The following GABRA2 variants were observed in gnomAD, a reference collection of about 807,000 sequenced individuals.
GABRA2 encodes the protein gamma-aminobutyric acid type A receptor subunit alpha2, also known as gamma-aminobutyric acid receptor subunit alpha-2.
In GABRA2, 16 loss-of-function variants were observed where a neutral mutation model predicts 48.7. That is an observed-to-expected ratio of 0.33 (90% CI 0.22 to 0.50). GABRA2 has a LOEUF of 0.50. Ranked by LOEUF, GABRA2 falls within the 20% of genes least tolerant of loss-of-function variation. GABRA2 has a pLI of 0.98. For missense variants in GABRA2, 275 were observed against 535.6 expected (o/e 0.51, Z 4.80); for synonymous variants, 185 against 184.5 (o/e 1.00, Z -0.02).
chr4:46,337,878 T>C (rs999433583), intron 3 of GABRA2, among the ~76,000 whole-genome samples: 4 of 151,908 alleles, frequency 2.6e-5, no homozygotes, highest in African/African-American at 4.8e-5. Context: ...GTGGAAAATA[T>C]TCTTTTTAAA....
intron 5 of GABRA2, 109 bp downstream of exon 5, chr4:46,312,387 G>A: frequency 1.4e-6 from 1 of 692,294 alleles, no homozygotes; most frequent in Non-Finnish European, 2.5e-6. Flanking sequence ...TCAATAATCT[G>A]TTAGAAAACA....
chr4:46,372,698 A>T (rs1391636412), intron 3 of GABRA2, among the ~76,000 whole-genome samples: 2 of 152,210 alleles, frequency 1.3e-5, no homozygotes, highest in Non-Finnish European at 2.9e-5. Context: ...TGATAATTTT[A>T]TTCCAATGCT....
At chr4:46,285,573 T>C (rs1357765470) in intron 8 of GABRA2, among the ~76,000 whole-genome samples, 1 of 152,112 alleles carries the variant, frequency 6.6e-6, no homozygotes, top group Non-Finnish European at 1.5e-5. Context: ...CAGTATTTAA[T>C]TTTCCTTATA....
At chr4:46,335,824 A>G (rs1732133322) in intron 3 of GABRA2, among the ~76,000 whole-genome samples, 1 of 152,000 alleles carries the variant, frequency 6.6e-6, no homozygotes, top group Non-Finnish European at 1.5e-5. Flanking sequence ...AGCCTTCAAA[A>G]TGGCCATTAT....
intron 3 of GABRA2, among the ~76,000 whole-genome samples, chr4:46,382,495 C>T (rs1716894322): frequency 6.6e-6 from 1 of 152,114 alleles, no homozygotes; most frequent in East Asian, 1.9e-4. Context: ...AAAAACCTTG[C>T]AGGGCCTTGC....
rs1340278846 is a variant in GABRA2 at position 46,386,025 on chromosome 4, T to C, written c.187+49A>G. The C allele has an allele frequency of 8.1e-6, 9 of 1,117,248 alleles. No homozygotes were observed. The Admixed American group carries it at 1.4e-4, about 18-fold the overall frequency. The allele number at this position is 1,117,248 out of a possible 1,614,324, so 69.2% of individuals were successfully genotyped here. A position where few individuals can be genotyped will look rare whatever the true frequency, so the allele number is the denominator to read the frequency against. On this transcript the variant is annotated intron_variant, in intron 3 of 9. Coordinates refer to ENST00000381620, the MANE Select transcript of GABRA2 (RefSeq NM_000807.4). ...AAAATAGGAATATTACCCTTAACTTTTAAAGGCATTATTTTACGAGAGTTT... is the reference window on the plus strand; with the variant it reads ...AAAATAGGAATATTACCCTTAACTTCTAAAGGCATTATTTTACGAGAGTTT...
rs1328430732 is a variant in GABRA2, at chr4:46,303,394, G to C, written c.856+66C>G. ...AATAATTAGTTTGAGGATCAAGAGA[G>C]ATAATGTTTTTGAAAGTATGCTATG... On this transcript the variant is annotated intron_variant, in intron 8 of 9. Coordinates refer to ENST00000381620, the MANE Select transcript of GABRA2 (RefSeq NM_000807.4). The C allele has an allele frequency of 3.6e-5, 51 of 1,434,668 alleles. 1 individual carries two copies. The South Asian group carries it at 5.6e-4, about 16-fold the overall frequency. 88.9% of individuals were successfully genotyped at this position (1,434,668 alleles called of 1,614,324 possible). A position where few individuals can be genotyped will look rare whatever the true frequency, so the allele number is the denominator to read the frequency against.
chr4:46,276,092 A>C lies in GABRA2; in HGVS notation c.857-13964T>G, dbSNP rs547054055. 3.9e-5 allele frequency among the ~76,000 whole-genome samples: 6 copies of C among 152,254 alleles called. No homozygotes were observed. In the South Asian group the frequency reaches 1.2e-3, roughly 32 times the overall value. Reference sequence around the variant, plus strand: ...AAAATAAACATTACTCTTACCAAAAATAATCAAATCCAAAGAAAACAAGAA... The same window carrying C: ...AAAATAAACATTACTCTTACCAAAACTAATCAAATCCAAAGAAAACAAGAA... On this transcript the variant is annotated intron_variant, in intron 8 of 9. Coordinates refer to ENST00000381620, the MANE Select transcript of GABRA2 (RefSeq NM_000807.4).
intron 9 of GABRA2, among the ~76,000 whole-genome samples, chr4:46,254,062 A>G (rs1353663575): frequency 6.6e-6 from 1 of 151,506 alleles, no homozygotes; most frequent in African/African-American, 2.4e-5. Context: ...TATTATTAAT[A>G]TTCTTTATAA....
At chr4:46,253,376 A>C (rs1325712472) in intron 9 of GABRA2, among the ~76,000 whole-genome samples, 1 of 151,432 alleles carries the variant, frequency 6.6e-6, no homozygotes, top group African/African-American at 2.4e-5. Context: ...TGGCTGTAAA[A>C]TACAAGCAGC....
chr4:46,348,128 A>G (rs1217086048), intron 3 of GABRA2, among the ~76,000 whole-genome samples: 1 of 152,150 alleles, frequency 6.6e-6, no homozygotes, highest in Admixed American at 6.6e-5. Flanking sequence ...ATCAACAGAC[A>G]CTTCTCAAAA....
At chr4:46,339,564 A>C (rs984715132) in intron 3 of GABRA2, among the ~76,000 whole-genome samples, 1 of 151,904 alleles carries the variant, frequency 6.6e-6, no homozygotes, top group Admixed American at 6.6e-5. Flanking sequence ...TTATAGCCTA[A>C]CAAAGAGAGA....
intron 3 of GABRA2, among the ~76,000 whole-genome samples, chr4:46,371,868 C>T (rs1340995363): frequency 1.3e-5 from 2 of 152,000 alleles, no homozygotes; most frequent in South Asian, 2.1e-4. Flanking sequence ...TTAAAGGACC[C>T]CTTCTCTTCA....
chr4:46,330,587 T>TAGAGAG lies in GABRA2; in HGVS notation c.255+2027_255+2028insCTCTCT, dbSNP rs1425282470. On this transcript the variant is annotated intron_variant, in intron 4 of 9. Coordinates refer to ENST00000381620, the MANE Select transcript of GABRA2 (RefSeq NM_000807.4). ...GCATATATATATATATATATATATA[T>TAGAGAG]ATATAGAGAGAGAGAGAGAGAGATG... Among the ~76,000 whole-genome samples, 576 of 123,488 alleles carry TAGAGAG rather than the reference T, an allele frequency of 4.7e-3. 3 individuals carry two copies. Among genetic ancestry groups the TAGAGAG allele is most frequent in the African/African-American group, 0.014 (511 of 35,502 alleles). The allele number at this position is 123,488 out of a possible 152,430, so 81.0% of individuals were successfully genotyped here. A position where few individuals can be genotyped will look rare whatever the true frequency, so the allele number is the denominator to read the frequency against.
At position 46,250,366 on chromosome 4, in the gene GABRA2, T is replaced by C. The variant is rs1225955116; in HGVS notation, c.1298A>G (p.Asn433Ser). The C allele has an allele frequency of 6.2e-7, 1 of 1,611,340 alleles. No homozygotes were observed. The change falls in exon 10 of 10, where the codon AAT becomes AGT. Residue 433 changes from asparagine to serine, a missense_variant. By Grantham distance (46) the Asn-to-Ser change is conservative. Around this residue, in one of 4 missense-constraint regions of GABRA2, gnomAD observed 99 missense variants for 124.3 expected, o/e 0.80. Coordinates refer to ENST00000381620, the MANE Select transcript of GABRA2 (RefSeq NM_000807.4). ...TAAATATGTAGCCCAGTAAACTAAA[T>C]TAAAGGTACCAAACAAAACTGGAAA... ...IVFPVLFGTF[N>S]LVYWATYLNR...
chr4:46,298,956 A>C (rs1725240762), intron 8 of GABRA2, among the ~76,000 whole-genome samples: 1 of 151,456 alleles, frequency 6.6e-6, no homozygotes. Flanking sequence ...TATGTCTTAA[A>C]TGCACAGCTT....
At chr4:46,383,774 G>T (rs1717075672) in intron 3 of GABRA2, among the ~76,000 whole-genome samples, 1 of 152,216 alleles carries the variant, frequency 6.6e-6, no homozygotes, top group East Asian at 1.9e-4. Context: ...TAGATAAGCA[G>T]AAGGGATGAG....
intron 1 of GABRA2, 78 bp downstream of exon 1, chr4:46,389,657 G>C: frequency 1.2e-6 from 1 of 809,570 alleles, no homozygotes; most frequent in Non-Finnish European, 1.5e-6. Flanking sequence ...AAAGTGGGGT[G>C]GGGGGAGATG....
In GABRA2 at chr4:46,247,339, C is replaced by T. The variant is rs1457207294; in HGVS notation, c.*2969G>A. On this transcript the variant is annotated 3_prime_UTR_variant, in exon 10 of 10. Transcript: ENST00000381620. The stretch of plus-strand genomic sequence containing the variant: ...GGCATCATAGCTCATTAAAGAACTC[C>T]CAGTACTAAATTAATTTACATGTTT... Among the ~76,000 whole-genome samples the T allele has an allele frequency of 6.6e-6, 1 of 150,942 alleles. No homozygotes were observed. Among genetic ancestry groups the T allele is most frequent in the African/African-American group, 2.4e-5 (1 of 41,254 alleles).
Sources: allele counts gnomAD v4.1 joint callset (sites outside exome capture counted in the v4.1 genomes callset), GRCh38; gene constraint gnomAD v4.1.1; regional missense constraint gnomAD v4.1.1; transcripts MANE v1.5; gene names NCBI Gene and HGNC (gene_info 2026-07-23, HGNC 2026-07-21).